TTC21A: variants seen among roughly 807,000 people sequenced by gnomAD.
TTC21A encodes tetratricopeptide repeat protein 21A.
Under a neutral mutation model 156.4 loss-of-function variants are expected in TTC21A, and 128 were observed. The observed-to-expected ratio is 0.82, with a 90% confidence interval of 0.71 to 0.95. TTC21A has a LOEUF of 0.95. TTC21A is among the 40% of genes least tolerant of loss of function. TTC21A has a pLI of 0.00. For missense variants in TTC21A, 1,435 were observed against 1,602.3 expected (o/e 0.90, Z 1.78); for synonymous variants, 587 against 617.1 (o/e 0.95, Z 0.72).
chr3:39,134,325 T>C lies in TTC21A; in HGVS notation c.2859T>C (p.Ser953=). The C allele has an allele frequency of 6.2e-7, 1 of 1,609,486 alleles. No homozygotes were observed. The highest frequency in any genetic ancestry group is 8.5e-7 in the Non-Finnish European group (1 of 1,175,838). The part of the protein sequence containing the change: ...LQTEQNHETA[S]VLMADLMFRK... The stretch of plus-strand genomic sequence containing the variant: ...CTGAGCAGAACCATGAGACCGCTTC[T>C]GTGGTAGGAAGCCCCCAGCACCCAC... The change falls in exon 21 of 29, where the codon TCT becomes TCC. Residue 953 remains serine (S), a synonymous_variant. Transcript: ENST00000683103. The surrounding 1 kb of genome is among the most constrained non-coding windows in gnomAD (Gnocchi z 4.6).
chr3:39,133,777 G>A (rs1015201652), intron 20 of TTC21A, among the ~76,000 whole-genome samples: 5 of 152,126 alleles, frequency 3.3e-5, no homozygotes, highest in South Asian at 2.1e-4. Context: ...TACTTTGCCC[G>A]GCTCTGGAGA....
At chr3:39,114,949 G>T (rs1417743027) in intron 6 of TTC21A, among the ~76,000 whole-genome samples, 1 of 152,086 alleles carries the variant, frequency 6.6e-6, no homozygotes, top group Non-Finnish European at 1.5e-5. Flanking sequence ...TAGGAGCTGT[G>T]GCCTATGATG....
chr3:39,126,475 TACACACACAC>T lies in TTC21A; in HGVS notation c.1522+122_1522+131del, dbSNP rs59925253. The T allele has an allele frequency of 5.7e-3, 2,946 of 520,054 alleles. 1 individual carries two copies. The highest frequency in any genetic ancestry group is 8.0e-3 in the Middle Eastern group (13 of 1,622). The allele number at this position is 520,054 out of a possible 1,614,324, so 32.2% of individuals were successfully genotyped here. A position where few individuals can be genotyped will look rare whatever the true frequency, so the allele number is the denominator to read the frequency against. On this transcript the variant is annotated intron_variant, in intron 12 of 28. Transcript: ENST00000683103. ...TCTGCAGGCTCCTTGCCTAGGATAC[TACACACACAC>T]ACACACACACACACACACACACACA...
chr3:39,119,743 T>C, intron 7 of TTC21A, 179 bp from the exon 8 acceptor site: 1 of 536,142 alleles, frequency 1.9e-6, no homozygotes, highest in Admixed American at 3.5e-5. Flanking sequence ...GCCTTTGAAG[T>C]AATTCTGATG....
chr3:39,128,799 T>G lies in TTC21A; in HGVS notation c.1763T>G (p.Leu588Arg). 1 of 1,614,120 alleles carries G rather than the reference T, an allele frequency of 6.2e-7. No homozygotes were observed. Among genetic ancestry groups the G allele is most frequent in the Non-Finnish European group, 8.5e-7 (1 of 1,180,040 alleles). ...AGDYPEAIKTLKMVIKLPALK... is the reference protein window; with the variant it reads ...AGDYPEAIKTRKMVIKLPALK... ...GACTATCCAGAGGCCATAAAGACGC[T>G]GAAAATGGTCATCAAATTGCCAGCT... The change falls in exon 14 of 29, where the codon CTG becomes CGG. Residue 588 changes from leucine (L) to arginine (R), a missense_variant. Coordinates refer to ENST00000683103, the MANE Select transcript of TTC21A (RefSeq NM_001366900.1).
chr3:39,122,119 G>A (rs2037817513), intron 9 of TTC21A, among the ~76,000 whole-genome samples: 1 of 152,134 alleles, frequency 6.6e-6, no homozygotes, highest in African/African-American at 2.4e-5. Context: ...GACCAGCCTG[G>A]CCAACATGAT....
At chr3:39,123,258 T>G (rs992881447) in intron 9 of TTC21A, among the ~76,000 whole-genome samples, 1 of 152,174 alleles carries the variant, frequency 6.6e-6, no homozygotes. Context: ...AACTGAAAAC[T>G]AAGATGGTGA....
In TTC21A at chr3:39,124,658, C is replaced by CAAAA. The variant is rs60845030; in HGVS notation, c.1094-393_1094-390dup. On this transcript the variant is annotated intron_variant, in intron 9 of 28. Coordinates refer to ENST00000683103, the MANE Select transcript of TTC21A (RefSeq NM_001366900.1). ...TGGGCAAAAGAGCGAAACTCCGTCT[C>CAAAA]AAAAAAAAAAAAAAAGCAGATTGTA... Among the ~76,000 whole-genome samples the CAAAA allele has an allele frequency of 1.3e-4, 9 of 71,040 alleles. 1 individual carries two copies. Among genetic ancestry groups the CAAAA allele is most frequent in the Admixed American group, 4.3e-4 (2 of 4,610 alleles). 46.6% of individuals were successfully genotyped at this position (71,040 alleles called of 152,430 possible). A position where few individuals can be genotyped will look rare whatever the true frequency, so the allele number is the denominator to read the frequency against.
At chr3:39,123,510 TC>T (rs1353325674) in intron 9 of TTC21A, among the ~76,000 whole-genome samples, 3 of 152,168 alleles carry the variant, frequency 2.0e-5, no homozygotes, top group Non-Finnish European at 2.9e-5. Context: ...TACCCTGCTA[TC>T]CATTATGAAA....
At chr3:39,128,250 T>TA in intron 12 of TTC21A, 81 bp from the exon 13 acceptor site, 1 of 1,478,326 alleles carries the variant, frequency 6.8e-7, no homozygotes, top group South Asian at 1.2e-5. Context: ...ACAGGACATG[T>TA]AAAATTCATT....
chr3:39,137,821 C>A (rs1181451943), intron 26 of TTC21A, 111 bp downstream of exon 26: 28 of 1,183,956 alleles, frequency 2.4e-5, no homozygotes, highest in Non-Finnish European at 2.9e-5. Context: ...AAGAACTAGT[C>A]GGGAAGAGGC....
At position 39,112,446 on chromosome 3, in the gene TTC21A, T is replaced by A; in HGVS notation, c.436-12T>A. The stretch of plus-strand genomic sequence containing the variant: ...ACCAAGGACTTCATCTTTCATCTTG[T>A]TCTCATCCCAGGCCTATGTGCTCAG... On this transcript the variant is annotated splice_polypyrimidine_tract_variant and intron_variant, in intron 4 of 28. Transcript: ENST00000683103. 1 of 1,614,068 alleles carries A rather than the reference T, an allele frequency of 6.2e-7. No individual in the cohort carries two copies.
chr3:39,133,321 C>A, intron 20 of TTC21A, 81 bp downstream of exon 20: 2 of 1,365,370 alleles, frequency 1.5e-6, no homozygotes, highest in Non-Finnish European at 1.0e-6. Flanking sequence ...GGTACAGGGG[C>A]CAGTCCCTTC....
chr3:39,120,659 A>G (rs2037695079), intron 8 of TTC21A, among the ~76,000 whole-genome samples: 1 of 152,182 alleles, frequency 6.6e-6, no homozygotes, highest in African/African-American at 2.4e-5. Context: ...AACATGGCTG[A>G]TGGCAGCCTT....
chr3:39,121,325 G>A (rs984688754), intron 9 of TTC21A, 136 bp downstream of exon 9: 4 of 713,712 alleles, frequency 5.6e-6, no homozygotes, highest in Non-Finnish European at 9.3e-6. Flanking sequence ...TGTATGATGG[G>A]GTATCTTTCT....
intron 9 of TTC21A, among the ~76,000 whole-genome samples, chr3:39,121,463 C>T (rs2037762910): frequency 6.6e-6 from 1 of 152,162 alleles, no homozygotes; most frequent in South Asian, 2.1e-4. Flanking sequence ...CAGGCTGAAC[C>T]TTATACTCAG....
chr3:39,131,302 G>A (rs941306642), intron 19 of TTC21A, among the ~76,000 whole-genome samples: 2 of 152,212 alleles, frequency 1.3e-5, no homozygotes, highest in Non-Finnish European at 2.9e-5. Context: ...GCTGTGGTGG[G>A]CTGGGAAAGG....
chr3:39,123,908 A>G (rs1304410592), intron 9 of TTC21A, among the ~76,000 whole-genome samples: 1 of 152,240 alleles, frequency 6.6e-6, no homozygotes, highest in African/African-American at 2.4e-5. Context: ...GGAAAAGGCT[A>G]TATTGGAAAT....
chr3:39,109,909 G>C lies in TTC21A; in HGVS notation c.158-120G>C, dbSNP rs554802618. On this transcript the variant is annotated intron_variant, in intron 2 of 28. Transcript: ENST00000683103. ...AATCTTCAGGGAACTTGGGTCACTG[G>C]GGACCTTTCAGACCAGTTAGTCCAG... 696 of 681,660 alleles carry C rather than the reference G, an allele frequency of 1.0e-3. 3 individuals are homozygous for C. The highest frequency in any genetic ancestry group is 1.4e-3 in the Admixed American group (60 of 41,510). The allele number at this position is 681,660 out of a possible 1,614,324, so 42.2% of individuals were successfully genotyped here. A position where few individuals can be genotyped will look rare whatever the true frequency, so the allele number is the denominator to read the frequency against.
Sources: gnomAD v4.1 joint callset for allele counts (sites outside exome capture counted in the v4.1 genomes callset) on GRCh38, gnomAD v4.1.1 for gene constraint, Gnocchi (gnomAD v3.1) non-coding constraint, MANE v1.5 for transcripts, NCBI Gene and HGNC (gene_info 2026-07-23, HGNC 2026-07-21) for gene names.